Variants in HERC2 observed in about 807,000 individuals in gnomAD.
The protein encoded by HERC2 is E3 ubiquitin-protein ligase HERC2.
A neutral mutation model predicts 537.7 loss-of-function variants in HERC2; 102 were observed. The observed-to-expected ratio is 0.19, with a 90% CI of 0.16 to 0.22. The LOEUF is 0.22. Among genes scored for constraint, HERC2 ranks in the 10% least tolerant of loss-of-function variants. HERC2 has a pLI of 1.00. For synonymous variants in HERC2, 2,224 were observed against 2,466.2 expected (o/e 0.90, Z 2.91); for missense variants, 4,236 against 6,198.2 (o/e 0.68, Z 10.63).
rs190157987 is a variant in HERC2, at chr15:28,290,688, A to T, written c.322+2200T>A. On this transcript the variant is annotated intron_variant, in intron 4 of 92. Transcript: ENST00000261609. ...GAAAATCCCCAAATACTTGGAAATG[A>T]AATAACAATTTCCAAATAATAAGCG... Among the ~76,000 whole-genome samples the T allele has an allele frequency of 5.3e-5, 8 of 152,378 alleles. No individual in the cohort carries two copies. The East Asian group carries it at 1.5e-3, about 29-fold the overall frequency.
At chr15:28,148,928 T>C (rs8029149) in intron 70 of HERC2, among the ~76,000 whole-genome samples, 19,659 of 135,484 alleles carry the variant, frequency 0.15, 4,308 homozygotes, top group African/African-American at 0.48. Context: ...AACTCCTAAC[T>C]GAAACATCAC....
At chr15:28,296,501 A>C (rs2076473471) in intron 3 of HERC2, among the ~76,000 whole-genome samples, 1 of 152,178 alleles carries the variant, frequency 6.6e-6, no homozygotes, top group Non-Finnish European at 1.5e-5. Flanking sequence ...AAAAATATTC[A>C]TCAAATGTAA....
chr15:28,144,487 A>G (rs923906540), intron 72 of HERC2, among the ~76,000 whole-genome samples, 186 bp downstream of exon 72: 22 of 152,344 alleles, frequency 1.4e-4, no homozygotes, highest in African/African-American at 5.3e-4. Context: ...TGAGCCTGAC[A>G]GCTGGATGGC....
intron 19 of HERC2, among the ~76,000 whole-genome samples, chr15:28,254,990 A>G (rs1482257715): frequency 1.3e-5 from 2 of 152,226 alleles, no homozygotes; most frequent in East Asian, 3.8e-4. Context: ...AGGAGAACAT[A>G]TGTTCACTAA....
intron 56 of HERC2, among the ~76,000 whole-genome samples, chr15:28,185,110 A>G (rs1896178222): frequency 6.6e-6 from 1 of 151,318 alleles, no homozygotes; most frequent in Non-Finnish European, 1.5e-5. Flanking sequence ...TATAGATACT[A>G]TTTTCTTTTC....
At chr15:28,269,168 A>G (rs2075651575) in intron 11 of HERC2, 80 bp downstream of exon 11, 2 of 1,126,706 alleles carry the variant, frequency 1.8e-6, no homozygotes, top group East Asian at 5.1e-5. Flanking sequence ...CGCCTTAAAG[A>G]AACACCAGAG....
At chr15:28,172,086 A>C (rs1894765197) in intron 65 of HERC2, among the ~76,000 whole-genome samples, 1 of 151,994 alleles carries the variant, frequency 6.6e-6, no homozygotes, top group African/African-American at 2.4e-5. Context: ...AAAAAAAAAA[A>C]AAAACCTACA....
At chr15:28,310,304 AGAG>A (rs1252547934) in intron 2 of HERC2, among the ~76,000 whole-genome samples, 1 of 152,092 alleles carries the variant, frequency 6.6e-6, no homozygotes, top group Non-Finnish European at 1.5e-5. Context: ...AAAATTAGCC[AGAG>A]GTGGTGGCGC....
intron 48 of HERC2, among the ~76,000 whole-genome samples, chr15:28,199,363 G>A (rs1327496255): frequency 2.6e-5 from 4 of 152,126 alleles, no homozygotes; most frequent in Admixed American, 6.5e-5. Context: ...AAACATAACA[G>A]TGGAAACATC....
rs1426077121 is a variant in HERC2 at position 28,113,174 on chromosome 15, G to C, written c.14129C>G (p.Ser4710Cys). 1 of 1,614,082 alleles carries C rather than the reference G, an allele frequency of 6.2e-7. No individual in the cohort carries two copies. Reference sequence around the variant, plus strand: ...AAGAGAGCGCTCTGTGTTGGAGAAGGACTCCATCACCTCCCAGAACCACTG... The same window carrying C: ...AAGAGAGCGCTCTGTGTTGGAGAAGCACTCCATCACCTCCCAGAACCACTG... Reference protein sequence around the residue: ...LIQWFWEVMESFSNTERSLFL... With the variant: ...LIQWFWEVMECFSNTERSLFL... Residue 4710 changes from serine (S) to cysteine (C), a missense_variant, in exon 92 of 93, where the codon TCC (serine) becomes TGC (cysteine). By Grantham distance (112) the Ser-to-Cys change is moderately radical. Around this residue, in one of 27 missense-constraint regions of HERC2, gnomAD observed 313 missense variants for 462.6 expected, o/e 0.68. Coordinates refer to ENST00000261609, the MANE Select transcript of HERC2 (RefSeq NM_004667.6). This position sits in a 1 kb window ranked among gnomAD's most constrained non-coding sequence, Gnocchi z 7.0.
chr15:28,165,869 C>A (rs1351105092), intron 68 of HERC2, among the ~76,000 whole-genome samples: 1 of 152,134 alleles, frequency 6.6e-6, no homozygotes, highest in Non-Finnish European at 1.5e-5. Flanking sequence ...CATTCTCTAG[C>A]CCTGTCACCC....
At chr15:28,276,685 T>A (rs1286276189) in intron 5 of HERC2, among the ~76,000 whole-genome samples, 1 of 150,870 alleles carries the variant, frequency 6.6e-6, no homozygotes, top group Admixed American at 6.6e-5. Context: ...TAAGCCAAGA[T>A]CGCACCACTG....
intron 64 of HERC2, among the ~76,000 whole-genome samples, chr15:28,174,895 A>C (rs1227481506): frequency 6.6e-6 from 1 of 152,124 alleles, no homozygotes; most frequent in Non-Finnish European, 1.5e-5. Flanking sequence ...GACACACAGA[A>C]GGTCCTCTCT....
chr15:28,182,780 C>T (rs1231177813), intron 56 of HERC2, among the ~76,000 whole-genome samples: 1 of 152,100 alleles, frequency 6.6e-6, no homozygotes, highest in Non-Finnish European at 1.5e-5. Flanking sequence ...GATGATACAC[C>T]AGGCCTTCTC....
chr15:28,135,213 GAGA>G (rs765193175), intron 79 of HERC2, among the ~76,000 whole-genome samples: 8 of 152,070 alleles, frequency 5.3e-5, no homozygotes, highest in Non-Finnish European at 1.2e-4. Flanking sequence ...TGATTTAAGG[GAGA>G]AGGACAAAAA....
intron 69 of HERC2, among the ~76,000 whole-genome samples, chr15:28,156,658 C>A (rs1423584016): frequency 3.9e-5 from 6 of 152,176 alleles, no homozygotes; most frequent in Non-Finnish European, 5.9e-5. Flanking sequence ...TAGGCTGAGA[C>A]GATGGGGTTT....
intron 4 of HERC2, among the ~76,000 whole-genome samples, chr15:28,289,885 G>A (rs1240423658): frequency 6.6e-6 from 1 of 152,074 alleles, no homozygotes; most frequent in Non-Finnish European, 1.5e-5. Context: ...ACATCTGAGA[G>A]GAAGACACAC....
rs1231580199 is a variant in HERC2, at chr15:28,256,159, A to G, written c.2676T>C (p.Ser892=). 4 of 1,601,900 alleles carry G rather than the reference A, an allele frequency of 2.5e-6. No individual in the cohort carries two copies. Among genetic ancestry groups the G allele is most frequent in the South Asian group, 1.1e-5 (1 of 91,022 alleles). ...VQSAAQAVLQ[S]GWSVLLPTAE... ...CGGTGGGCAGCAGCACGGACCAGCC[A>G]CTCTGCAGCACGGCCTGGGCGGCCG... The change falls in exon 18 of 93, where the codon AGT becomes AGC. Residue 892 remains serine (S), a synonymous_variant. Transcript: ENST00000261609.
In HERC2 at chr15:28,214,095, A is replaced by G. The variant is rs570866992; in HGVS notation, c.6536T>C (p.Val2179Ala). The stretch of plus-strand genomic sequence containing the variant: ...ACCCACCCCTTCGGAAGGCCTTCCC[A>G]CAAAGCTGTGGGTGATGGAGCGGAG... The part of the protein sequence containing the change: ...SQLRSITHSF[V>A]GRPSEGAQLE... Residue 2179 changes from valine to alanine, a missense_variant, in exon 41 of 93, where the codon GTG becomes GCG. Around this residue, in one of 27 missense-constraint regions of HERC2, gnomAD observed 365 missense variants for 468.8 expected, o/e 0.78. Transcript: ENST00000261609. The G allele has an allele frequency of 1.5e-5, 25 of 1,613,962 alleles. No individual in the cohort carries two copies. The highest frequency in any genetic ancestry group is 1.2e-4 in the African/African-American group (9 of 74,924).
Sources: gnomAD v4.1 joint callset for allele counts (sites outside exome capture counted in the v4.1 genomes callset) on GRCh38, gnomAD v4.1.1 for gene constraint, gnomAD v4.1.1 regional missense constraint, Gnocchi (gnomAD v3.1) non-coding constraint, MANE v1.5 for transcripts, NCBI Gene and HGNC (gene_info 2026-07-23, HGNC 2026-07-21) for gene names.